The following LUZP2 variants were observed in gnomAD, a reference collection of about 807,000 sequenced individuals.
LUZP2 encodes the protein leucine zipper protein 2.
In LUZP2, 52 loss-of-function variants were observed where a neutral mutation model predicts 51.6. The observed-to-expected ratio is 1.01, with a 90% CI of 0.81 to 1.27. LUZP2 has a LOEUF of 1.27. Among genes scored for constraint, LUZP2 ranks in the 50% most tolerant of loss-of-function variants. The pLI is 0.00. For missense variants in LUZP2, 436 were observed against 395.4 expected (o/e 1.10, Z -0.87); for synonymous variants, 154 against 137.3 (o/e 1.12, Z -0.85).
chr11:24,858,493 C>G (rs1305065258), intron 5 of LUZP2, among the ~76,000 whole-genome samples: 1 of 152,086 alleles, frequency 6.6e-6, no homozygotes, highest in East Asian at 1.9e-4. Context: ...TAACATCACA[C>G]CTAGAGAAAA....
At chr11:25,053,815 G>A (rs565323037) in intron 10 of LUZP2, among the ~76,000 whole-genome samples, 47 of 152,266 alleles carry the variant, frequency 3.1e-4, no homozygotes, top group Non-Finnish European at 1.3e-4. Context: ...GCACCAAGAT[G>A]TAGAATTGCT....
At chr11:24,891,369 C>T (rs944078942) in intron 5 of LUZP2, 184 of 919,280 alleles carry the variant, frequency 2.0e-4, no homozygotes, top group Non-Finnish European at 2.3e-4. Context: ...TACACATACA[C>T]ATATATACAC....
intron 5 of LUZP2, among the ~76,000 whole-genome samples, chr11:24,882,240 A>G (rs1852491978): frequency 6.6e-6 from 1 of 151,992 alleles, no homozygotes; most frequent in Admixed American, 6.6e-5. Context: ...AGATTTTGAG[A>G]TGAGAATTTT....
intron 5 of LUZP2, among the ~76,000 whole-genome samples, chr11:24,868,575 G>T (rs546549743): frequency 6.6e-6 from 1 of 151,934 alleles, no homozygotes; most frequent in Non-Finnish European, 1.5e-5. Flanking sequence ...ACTTATGAGG[G>T]CTAAGAAGAA....
chr11:24,649,944 C>T (rs1855574339), intron 1 of LUZP2, among the ~76,000 whole-genome samples: 1 of 146,630 alleles, frequency 6.8e-6, no homozygotes, highest in Admixed American at 7.0e-5. Context: ...GCTTTATACA[C>T]ACACAGACAC....
Position 24,955,243 on chromosome 11 carries a change from A to G in LUZP2, c.523-21348A>G, listed in dbSNP as rs966026033. The stretch of plus-strand genomic sequence containing the variant: ...GAAGACTTTTTTGTCTATAAGTTTC[A>G]TAAAGATAGGGATGTTGCTTTATGT... On this transcript the variant is annotated intron_variant, in intron 7 of 11. Transcript: ENST00000336930. Among the ~76,000 whole-genome samples the G allele has an allele frequency of 2.0e-5, 3 of 152,186 alleles. No individual in the cohort carries two copies. The East Asian group carries it at 5.8e-4, about 29-fold the overall frequency.
intron 5 of LUZP2, among the ~76,000 whole-genome samples, chr11:24,848,481 C>T (rs947889882): frequency 1.3e-5 from 2 of 152,114 alleles, no homozygotes; most frequent in African/African-American, 4.8e-5. Flanking sequence ...CCTTGTTGCC[C>T]CTATACATTC....
intron 1 of LUZP2, among the ~76,000 whole-genome samples, chr11:24,515,216 G>T (rs1402562021): frequency 6.6e-6 from 1 of 152,074 alleles, no homozygotes. Context: ...TTATAAAACC[G>T]TATACTGTGC....
At chr11:24,908,123 A>G (rs1853514354) in intron 6 of LUZP2, among the ~76,000 whole-genome samples, 3 of 152,184 alleles carry the variant, frequency 2.0e-5, no homozygotes, top group South Asian at 4.1e-4. Context: ...TTTCTTGGTT[A>G]GGAGCTAAAA....
chr11:24,656,730 T>A (rs527393045), intron 1 of LUZP2, among the ~76,000 whole-genome samples: 11 of 152,304 alleles, frequency 7.2e-5, no homozygotes, highest in African/African-American at 2.6e-4. Context: ...TAAGGCTCCT[T>A]TTCTCCAACT....
At chr11:24,678,399 T>A (rs1856634898) in intron 1 of LUZP2, among the ~76,000 whole-genome samples, 2 of 152,212 alleles carry the variant, frequency 1.3e-5, no homozygotes, top group South Asian at 4.1e-4. Context: ...CCAGCAGAAT[T>A]TCCACATCCT....
At chr11:24,850,261 T>C (rs1851348531) in intron 5 of LUZP2, among the ~76,000 whole-genome samples, 1 of 152,166 alleles carries the variant, frequency 6.6e-6, no homozygotes, top group Non-Finnish European at 1.5e-5. Context: ...TTTTAGGTCT[T>C]ATGTTTAAGT....
chr11:24,591,858 C>T (rs1187421818), intron 1 of LUZP2, among the ~76,000 whole-genome samples: 1 of 152,172 alleles, frequency 6.6e-6, no homozygotes, highest in Non-Finnish European at 1.5e-5. Context: ...TTAAAATATG[C>T]ATTTCTAAGA....
chr11:24,613,971 G>A (rs1854205716), intron 1 of LUZP2, among the ~76,000 whole-genome samples: 2 of 151,928 alleles, frequency 1.3e-5, no homozygotes, highest in African/African-American at 4.8e-5. Context: ...ACTCTTTGGT[G>A]TGTGTTCTAT....
At chr11:24,997,574 G>C (rs1252658124) in intron 9 of LUZP2, among the ~76,000 whole-genome samples, 2 of 152,122 alleles carry the variant, frequency 1.3e-5, no homozygotes, top group Non-Finnish European at 2.9e-5. Context: ...TAGGTTGCCT[G>C]TTCACTCTGA....
chr11:24,847,318 G>T (rs1851233520), intron 5 of LUZP2, among the ~76,000 whole-genome samples: 1 of 151,908 alleles, frequency 6.6e-6, no homozygotes, highest in South Asian at 2.1e-4. Flanking sequence ...GCATATAGTT[G>T]GCATGTCTCT....
intron 5 of LUZP2, among the ~76,000 whole-genome samples, chr11:24,903,643 A>G (rs990326270): frequency 6.6e-6 from 1 of 152,088 alleles, no homozygotes; most frequent in African/African-American, 2.4e-5. Context: ...ACTCCTCTAG[A>G]GTCAGTATGA....
rs1229651039 is a variant in LUZP2, at chr11:25,080,182, A to G, written c.*1524A>G. The G allele has an allele frequency of 6.6e-6, 1 of 152,182 alleles. No individual in the cohort carries two copies. The highest frequency in any genetic ancestry group is 1.5e-5 in the Non-Finnish European group (1 of 68,034). 9.4% of individuals were successfully genotyped at this position (152,182 alleles called of 1,614,324 possible). A position where few individuals can be genotyped will look rare whatever the true frequency, so the allele number is the denominator to read the frequency against. ...TCTGTGAAAGCTTCATAATTTCTAC[A>G]TGCTTTGAATTTTGAATTTTGTTAT... On this transcript the variant is annotated 3_prime_UTR_variant, in exon 12 of 12. Transcript: ENST00000336930.
At chr11:24,588,532 C>A (rs890434393) in intron 1 of LUZP2, among the ~76,000 whole-genome samples, 5 of 152,008 alleles carry the variant, frequency 3.3e-5, no homozygotes, top group African/African-American at 1.2e-4. Context: ...TCTCTAATGA[C>A]CTTGGATAAA....
Sources: gnomAD v4.1 joint callset for allele counts (sites outside exome capture counted in the v4.1 genomes callset) on GRCh38, gnomAD v4.1.1 for gene constraint, MANE v1.5 for transcripts, NCBI Gene and HGNC (gene_info 2026-07-23, HGNC 2026-07-21) for gene names.